The following ZNF624 variants were observed in gnomAD, a reference collection of about 807,000 sequenced individuals.
The protein encoded by ZNF624 is zinc finger protein 624.
ZNF624 carries 43 observed loss-of-function variants against 74.7 expected under a neutral mutation model. The ratio of observed to expected loss-of-function variants is 0.58; its 90% CI spans 0.45 to 0.74. ZNF624 has a LOEUF of 0.74. Among genes scored for constraint, ZNF624 ranks in the 30% least tolerant of loss-of-function variants. The probability of loss-of-function intolerance (pLI) is 0.00; values close to 1 mark genes in which losing one functional copy is unlikely to be tolerated. For synonymous variants in ZNF624, 331 were observed against 341.3 expected, an observed-to-expected ratio of 0.97 and a Z score of 0.33; for missense variants, 820 against 1,030.0, an observed-to-expected ratio of 0.80 and a Z score of 2.79.
intron 2 of ZNF624, among the ~76,000 whole-genome samples, chr17:16,648,706 C>T (rs1400455869): frequency 6.6e-6 from 1 of 152,092 alleles, no homozygotes; most frequent in Non-Finnish European, 1.5e-5. Flanking sequence ...AAAGTCACTG[C>T]TAAAACACAG....
chr17:16,627,774 G>C (rs1273619037), intron 5 of ZNF624, among the ~76,000 whole-genome samples: 1 of 152,170 alleles, frequency 6.6e-6, no homozygotes, highest in Non-Finnish European at 1.5e-5. Context: ...CTGGCTGAAG[G>C]ACTAAAACCC....
At position 16,621,749 on chromosome 17, in the gene ZNF624, TAAA is replaced by T. The variant is rs1330730575; in HGVS notation, c.*536_*538del. 6.6e-6 allele frequency: 1 copy of T among 152,236 alleles called. No individual in the cohort carries two copies. Among genetic ancestry groups the T allele is most frequent in the Non-Finnish European group, 1.5e-5 (1 of 68,064 alleles). The allele number at this position is 152,236 out of a possible 1,614,324, so 9.4% of individuals were successfully genotyped here. ...GTAAAAAATAAAATCATAAAAATCT[TAAA>T]AACACATTTAGGATACTACGTATAA... On this transcript the variant is annotated 3_prime_UTR_variant, in exon 6 of 6. Coordinates refer to ENST00000311331, the MANE Select transcript of ZNF624 (RefSeq NM_020787.4).
chr17:16,624,123 T>C lies in ZNF624; in HGVS notation c.763A>G (p.Lys255Glu). 1 of 1,614,200 alleles carries C rather than the reference T, an allele frequency of 6.2e-7. No individual in the cohort carries two copies. Residue 255 changes from lysine to glutamate, a missense_variant, in exon 6 of 6, where the codon AAA becomes GAA. By Grantham distance (56) the Lys-to-Glu change is moderately conservative. Transcript: ENST00000311331. Reference sequence around the variant, plus strand: ...AGTTCTGAAGTCTGCCTTATGGCTTTGCTGCCTTTCATCTCCTTGCAAATT... The same window carrying C: ...AGTTCTGAAGTCTGCCTTATGGCTTCGCTGCCTTTCATCTCCTTGCAAATT... The part of the protein sequence containing the change: ...KIICKEMKGS[K>E]AIRQTSELTL...
chr17:16,649,433 C>T (rs1190880126), intron 2 of ZNF624, among the ~76,000 whole-genome samples: 2 of 152,154 alleles, frequency 1.3e-5, no homozygotes, highest in Non-Finnish European at 2.9e-5. Context: ...CTAACGACAG[C>T]TCAGATATTT....
chr17:16,629,373 G>A, intron 5 of ZNF624, among the ~76,000 whole-genome samples: 1 of 151,086 alleles, frequency 6.6e-6, no homozygotes, highest in Non-Finnish European at 1.5e-5. Context: ...TCCCATGCTG[G>A]TCTTGAACGC....
At chr17:16,624,853 C>CAAAAAAAAAAAAAAAAAAAAA (rs59170659) in intron 5 of ZNF624, 5 of 43,954 alleles carry the variant, frequency 1.1e-4, no homozygotes, top group African/African-American at 4.3e-4. Flanking sequence ...CCTGTCTCTA[C>CAAAAAAAAAAAAAAAAAAAAA]AAAAAAAAAA....
At chr17:16,618,352 A>G (rs1035732207), downstream of ZNF624, among the ~76,000 whole-genome samples, 29 of 152,214 alleles carry the variant, frequency 1.9e-4, no homozygotes, top group African/African-American at 6.5e-4. Flanking sequence ...CAAAATGTTT[A>G]AAGTATCTAT....
At chr17:16,629,596 C>T (rs1909158656) in intron 5 of ZNF624, among the ~76,000 whole-genome samples, 1 of 152,022 alleles carries the variant, frequency 6.6e-6, no homozygotes. Flanking sequence ...GAGACCGAGT[C>T]TCACTCTGTT....
intron 5 of ZNF624, 158 bp from the exon 6 acceptor site, chr17:16,624,667 G>T: frequency 1.5e-6 from 1 of 687,178 alleles, no homozygotes; most frequent in Non-Finnish European, 2.2e-6. Flanking sequence ...GTAGGGTTAA[G>T]GGAGGCTGGT....
In ZNF624 at chr17:16,623,574, G is replaced by A; in HGVS notation, c.1312C>T (p.His438Tyr). The A allele has an allele frequency of 6.2e-7, 1 of 1,610,810 alleles. No individual in the cohort carries two copies. The highest frequency in any genetic ancestry group is 8.5e-7 in the Non-Finnish European group (1 of 1,178,964). The change falls in exon 6 of 6, where the codon CAC becomes TAC. Residue 438 changes from histidine to tyrosine, a missense_variant. By Grantham distance (83) the His-to-Tyr change is moderately conservative. Transcript: ENST00000311331. The surrounding 1 kb of genome is among the most constrained non-coding windows in gnomAD (Gnocchi z 5.3). ...CACTGATATGGTTTCTCTTCAGTGTGGGTCTTCTGATGTACACTAAGATAT... is the reference window on the plus strand; with the variant it reads ...CACTGATATGGTTTCTCTTCAGTGTAGGTCTTCTGATGTACACTAAGATAT... ...KSYLSVHQKT[H>Y]TEEKPYQCNE...
chr17:16,639,546 G>C (rs530069607), intron 3 of ZNF624, among the ~76,000 whole-genome samples: 2 of 152,126 alleles, frequency 1.3e-5, no homozygotes, highest in Non-Finnish European at 2.9e-5. Context: ...TTGAGGCTCT[G>C]TACAAGCAAG....
intron 5 of ZNF624, among the ~76,000 whole-genome samples, chr17:16,625,099 T>C (rs1029764383): frequency 2.6e-5 from 4 of 152,088 alleles, no homozygotes; most frequent in Admixed American, 6.6e-5. Flanking sequence ...TCTTCAACTT[T>C]TGACAATCTC....
chr17:16,632,397 T>C (rs1909227419), intron 5 of ZNF624, among the ~76,000 whole-genome samples: 1 of 152,176 alleles, frequency 6.6e-6, no homozygotes, highest in South Asian at 2.1e-4. Context: ...CAGCTCCCAT[T>C]TCAAAAATAA....
At chr17:16,643,405 C>T (rs1162392954) in intron 3 of ZNF624, among the ~76,000 whole-genome samples, 1 of 152,060 alleles carries the variant, frequency 6.6e-6, no homozygotes, top group Non-Finnish European at 1.5e-5. Context: ...AAATATTATG[C>T]TAAAATGAAA....
rs780455289 is a variant in ZNF624, at chr17:16,624,430, T to C, written c.456A>G (p.Leu152=). ...ISEDLSQEAI[L]EKLTENGLWD... The stretch of plus-strand genomic sequence containing the variant: ...ACAGACCATTCTCTGTAAGTTTCTC[T>C]AGTATGGCCTCCTGTGATAAATCTT... Residue 152 remains leucine, a synonymous_variant, in exon 6 of 6, where the codon CTA becomes CTG. Coordinates refer to ENST00000311331, the MANE Select transcript of ZNF624 (RefSeq NM_020787.4). 1 of 1,610,708 alleles carries C rather than the reference T, an allele frequency of 6.2e-7. No individual in the cohort carries two copies. The highest frequency in any genetic ancestry group is 1.1e-5 in the South Asian group (1 of 90,124).
At chr17:16,614,431 G>A in the ZNF624 span, among the ~76,000 whole-genome samples, 1 of 152,008 alleles carries the variant, frequency 6.6e-6, no homozygotes, top group Non-Finnish European at 1.5e-5. Flanking sequence ...TAGATATTTT[G>A]GTGAAATTAT....
Position 16,622,635 on chromosome 17 carries a change from G to C in ZNF624, c.2251C>G (p.Pro751Ala). The C allele has an allele frequency of 6.2e-7, 1 of 1,614,018 alleles. No individual in the cohort carries two copies. The highest frequency in any genetic ancestry group is 8.5e-7 in the Non-Finnish European group (1 of 1,179,956). ...TTTCCACAGACATCACACTTATAGG[G>C]CTTCTCTCCACTATGGATTTTCTGA... Reference protein sequence around the residue: ...EHQKIHSGEKPYKCDVCGKAF... With the variant: ...EHQKIHSGEKAYKCDVCGKAF... Residue 751 changes from proline (P) to alanine (A), a missense_variant, in exon 6 of 6, where the codon CCC becomes GCC. Physicochemically the swap from Pro to Ala is conservative, Grantham distance 27. Coordinates refer to ENST00000311331, the MANE Select transcript of ZNF624 (RefSeq NM_020787.4).
In ZNF624 at chr17:16,623,935, T is replaced by C. The variant is rs201629493; in HGVS notation, c.951A>G (p.Ser317=). 1.2e-6 allele frequency: 2 copies of C among 1,614,004 alleles called. No homozygotes were observed. ...NECGKTFSQP[S]YLSQHKKIHT... is the part of the protein sequence containing the mutation. ...GGATTTTTTTGTGCTGACTGAGATA[T>C]GAAGGCTGGCTGAATGTTTTCCCAC... The change falls in exon 6 of 6, where the codon TCA becomes TCG. Residue 317 remains serine, a synonymous_variant. Transcript: ENST00000311331. The surrounding 1 kb of genome is among the most constrained non-coding windows in gnomAD (Gnocchi z 5.3).
chr17:16,639,527 T>C (rs1447141498), intron 3 of ZNF624, among the ~76,000 whole-genome samples: 1 of 152,228 alleles, frequency 6.6e-6, no homozygotes, highest in Middle Eastern at 3.4e-3. Context: ...CTCTCATCTA[T>C]AGCTTACCTT....
Sources: gnomAD v4.1 joint callset for allele counts (sites outside exome capture counted in the v4.1 genomes callset) on GRCh38, gnomAD v4.1.1 for gene constraint, Gnocchi (gnomAD v3.1) non-coding constraint, MANE v1.5 for transcripts, NCBI Gene and HGNC (gene_info 2026-07-23, HGNC 2026-07-21) for gene names.